The following GPR157 variants were observed in gnomAD, a reference collection of about 807,000 sequenced individuals.
The protein encoded by GPR157 is G-protein coupled receptor 157.
GPR157 carries 16 observed loss-of-function variants against 23.5 expected under a neutral mutation model. The observed-to-expected ratio is 0.68, with a 90% confidence interval of 0.46 to 1.04. GPR157 has a LOEUF of 1.04. Ranked by LOEUF, GPR157 falls within the 50% of genes least tolerant of loss-of-function variation. GPR157 has a pLI of 0.00. For missense variants in GPR157, 440 were observed against 460.7 expected, an observed-to-expected ratio of 0.96 and a Z score of 0.41; for synonymous variants, 200 against 221.5, an observed-to-expected ratio of 0.90 and a Z score of 0.86.
chr1:9,112,772 C>T (rs768658599), intron 1 of GPR157, among the ~76,000 whole-genome samples: 3 of 152,140 alleles, frequency 2.0e-5, no homozygotes, highest in Non-Finnish European at 2.9e-5. Context: ...TTTTCTAGAG[C>T]GCTCTCCCAC....
In GPR157 at chr1:9,128,700, G is replaced by C; in HGVS notation, c.328C>G (p.Arg110Gly). Residue 110 changes from arginine (R) to glycine (G), a missense_variant, in exon 1 of 4, where the codon CGC (arginine) becomes GGC (glycine). By Grantham distance (125) the Arg-to-Gly change is moderately radical. Transcript: ENST00000377411. This position sits in a 1 kb window ranked among gnomAD's most constrained non-coding sequence, Gnocchi z 6.3. ...TCTGTGCGAGGCCCGCGCGCGGCGC[G>C]GACGATGCTGAGGTACAAGTAGAGC... ...IALYLYLSIVRAARGPRTDRL... is the reference protein window; with the variant it reads ...IALYLYLSIVGAARGPRTDRL... 6.2e-7 allele frequency: 1 copy of C among 1,613,262 alleles called. No homozygotes were observed. The highest frequency in any genetic ancestry group is 8.5e-7 in the Non-Finnish European group (1 of 1,179,930).
At position 9,101,661 on chromosome 1, in the gene GPR157, CA is replaced by C. The variant is rs1451877516; in HGVS notation, c.*2757del. 1 of 152,172 alleles carries C rather than the reference CA, an allele frequency of 6.6e-6. No homozygotes were observed. The highest frequency in any genetic ancestry group is 1.5e-5 in the Non-Finnish European group (1 of 68,046). The allele number at this position is 152,172 out of a possible 1,614,324, so 9.4% of individuals were successfully genotyped here. On this transcript the variant is annotated 3_prime_UTR_variant, in exon 4 of 4. Coordinates refer to ENST00000377411, the MANE Select transcript of GPR157 (RefSeq NM_024980.5). Reference sequence around the variant, plus strand: ...CAAAAGCAGATACAGTGGCCAGTGGCATCAAAGAAATGGAATGAGAACTTGA... The same window carrying C: ...CAAAAGCAGATACAGTGGCCAGTGGCTCAAAGAAATGGAATGAGAACTTGA...
Position 9,102,343 on chromosome 1 carries a change from G to C in GPR157, c.*2076C>G, listed in dbSNP as rs554661148. 1 of 150,268 alleles carries C rather than the reference G, an allele frequency of 6.7e-6. No homozygotes were observed. Among genetic ancestry groups the C allele is most frequent in the Admixed American group, 6.6e-5 (1 of 15,038 alleles). 9.3% of individuals were successfully genotyped at this position (150,268 alleles called of 1,614,324 possible). On this transcript the variant is annotated 3_prime_UTR_variant, in exon 4 of 4. Transcript: ENST00000377411. ...GGAGAATCGCTTGAACCTGGGAGGCGGTGGTTGCAGTGAGTCAAAATTGCA... is the reference window on the plus strand; with the variant it reads ...GGAGAATCGCTTGAACCTGGGAGGCCGTGGTTGCAGTGAGTCAAAATTGCA...
At chr1:9,111,084 T>A in intron 2 of GPR157, 192 bp downstream of exon 2, 1 of 645,058 alleles carries the variant, frequency 1.6e-6, no homozygotes, top group Non-Finnish European at 2.8e-6. Flanking sequence ...TGGGAACCAA[T>A]GCACGATCCG....
In GPR157 at chr1:9,124,244, T is replaced by C. The variant is rs549074409; in HGVS notation, c.383+4401A>G. 1.2e-4 allele frequency among the ~76,000 whole-genome samples: 19 copies of C among 152,324 alleles called. 1 individual carries two copies. The East Asian group carries it at 3.7e-3, about 29-fold the overall frequency. ...CTGGGTCAGAAGTAGATTCTAACTC[T>C]GAGCCTCTCCTTTACTGAAGGGAGA... On this transcript the variant is annotated intron_variant, in intron 1 of 3. Coordinates refer to ENST00000377411, the MANE Select transcript of GPR157 (RefSeq NM_024980.5).
Position 9,128,750 on chromosome 1 carries a change from G to A in GPR157, c.278C>T (p.Ser93Phe), listed in dbSNP as rs1639022967. The A allele has an allele frequency of 1.9e-6, 3 of 1,613,148 alleles. No individual in the cohort carries two copies. Among genetic ancestry groups the A allele is most frequent in the Non-Finnish European group, 2.5e-6 (3 of 1,179,756 alleles). Reference protein sequence around the residue: ...GALSTFANTSSFFWTVAIALY... With the variant: ...GALSTFANTSFFFWTVAIALY... Reference sequence around the variant, plus strand: ...CGCAATGGCCACGGTCCAGAAGAAGGAGCTGGTGTTGGCGAAGGTGGACAG... The same window carrying A: ...CGCAATGGCCACGGTCCAGAAGAAGAAGCTGGTGTTGGCGAAGGTGGACAG... Residue 93 changes from serine to phenylalanine, a missense_variant, in exon 1 of 4, where the codon TCC becomes TTC. Ser to Phe is a radical substitution (Grantham distance 155). Transcript: ENST00000377411. The surrounding 1 kb of genome is among the most constrained non-coding windows in gnomAD (Gnocchi z 6.3).
intron 1 of GPR157, among the ~76,000 whole-genome samples, chr1:9,114,147 G>A (rs534863373): frequency 6.6e-6 from 1 of 151,876 alleles, no homozygotes; most frequent in East Asian, 1.9e-4. Context: ...TGGCCAACAT[G>A]GTGAAACTCC....
rs1569965772 is a variant in GPR157, at chr1:9,116,732, A to G, written c.384-5243T>C. ...GCACTCCAGCCTGGGTGACAGAGGA[A>G]AAAAAAAAAAAAAGCATTATTATTT... On this transcript the variant is annotated intron_variant, in intron 1 of 3. Transcript: ENST00000377411. Among the ~76,000 whole-genome samples the G allele has an allele frequency of 6.8e-5, 8 of 117,174 alleles. No individual in the cohort carries two copies. The South Asian group carries it at 1.8e-3, about 27-fold the overall frequency. 76.9% of individuals were successfully genotyped at this position (117,174 alleles called of 152,430 possible).
chr1:9,128,951 G>T lies in GPR157; in HGVS notation c.77C>A (p.Ala26Glu). ...AVVLLSCALS[A>E]LGSGLLVATH... Reference sequence around the variant, plus strand: ...GGCCACCAGCAGGCCCGAGCCGAGCGCGGAGAGTGCGCACGACAGCAGCAC... The same window carrying T: ...GGCCACCAGCAGGCCCGAGCCGAGCTCGGAGAGTGCGCACGACAGCAGCAC... Residue 26 changes from alanine to glutamate, a missense_variant, in exon 1 of 4, where the codon GCG becomes GAG. By Grantham distance (107) the Ala-to-Glu change is moderately radical. Coordinates refer to ENST00000377411, the MANE Select transcript of GPR157 (RefSeq NM_024980.5). The surrounding 1 kb of genome is among the most constrained non-coding windows in gnomAD (Gnocchi z 6.3). 2.0e-6 allele frequency: 3 copies of T among 1,501,048 alleles called. No homozygotes were observed. The highest frequency in any genetic ancestry group is 2.7e-6 in the Non-Finnish European group (3 of 1,127,286). The allele number at this position is 1,501,048 out of a possible 1,614,324, so 93.0% of individuals were successfully genotyped here. A position where few individuals can be genotyped will look rare whatever the true frequency, so the allele number is the denominator to read the frequency against.
chr1:9,104,613 C>A lies in GPR157; in HGVS notation c.814G>T (p.Gly272Ter). ...VLHGIGNTFQGGANCIMFVLC... is the reference protein window; with the variant it reads ...VLHGIGNTFQ ...ACGAACATGATGCAGTTGGCACCTC[C>A]CTGAAACGTGTTCCCGATACCCTGT... The change falls in exon 4 of 4, where the codon GGA becomes TGA. Residue 272 changes from glycine to a stop codon, truncating the protein, a stop_gained. Coordinates refer to ENST00000377411, the MANE Select transcript of GPR157 (RefSeq NM_024980.5). LOFTEE classifies it low-confidence loss of function (END_TRUNC). The A allele has an allele frequency of 6.2e-7, 1 of 1,608,726 alleles. No individual in the cohort carries two copies. The highest frequency in any genetic ancestry group is 8.5e-7 in the Non-Finnish European group (1 of 1,177,028).
intron 2 of GPR157, among the ~76,000 whole-genome samples, chr1:9,110,309 G>A (rs1638452173): frequency 6.6e-6 from 1 of 152,156 alleles, no homozygotes; most frequent in Admixed American, 6.5e-5. Context: ...GATCACTTGA[G>A]GTCAAGAGTT....
intron 2 of GPR157, among the ~76,000 whole-genome samples, chr1:9,110,093 A>G: frequency 6.6e-6 from 1 of 151,866 alleles, no homozygotes; most frequent in East Asian, 1.9e-4. Context: ...TGCCCCAGCC[A>G]CTCCTCACAT....
intron 2 of GPR157, among the ~76,000 whole-genome samples, chr1:9,106,696 G>C (rs1322910973): frequency 1.3e-5 from 2 of 152,232 alleles, no homozygotes; most frequent in East Asian, 3.8e-4. Context: ...GGGTGCAAAG[G>C]CTCATGCCTG....
At chr1:9,121,161 C>T (rs1055083871) in intron 1 of GPR157, among the ~76,000 whole-genome samples, 1 of 151,858 alleles carries the variant, frequency 6.6e-6, no homozygotes, top group Non-Finnish European at 1.5e-5. Flanking sequence ...GGTAAAATCC[C>T]GTCTTTACTA....
Position 9,104,360 on chromosome 1 carries a change from C to A in GPR157, c.*59G>T. The stretch of plus-strand genomic sequence containing the variant: ...CTTCTGCCCCTGCAGCAGGGACTCA[C>A]AGAAGTGCCTACCCCCAGGAAGGCA... On this transcript the variant is annotated 3_prime_UTR_variant, in exon 4 of 4. Coordinates refer to ENST00000377411, the MANE Select transcript of GPR157 (RefSeq NM_024980.5). The A allele has an allele frequency of 1.5e-6, 2 of 1,320,002 alleles. No individual in the cohort carries two copies. Among genetic ancestry groups the A allele is most frequent in the Non-Finnish European group, 2.2e-6 (2 of 923,674 alleles). 81.8% of individuals were successfully genotyped at this position (1,320,002 alleles called of 1,614,324 possible). A position where few individuals can be genotyped will look rare whatever the true frequency, so the allele number is the denominator to read the frequency against.
rs749117501 is a variant in GPR157, at chr1:9,104,460, G to C, written c.967C>G (p.Gln323Glu). The C allele has an allele frequency of 1.9e-6, 3 of 1,613,944 alleles. No individual in the cohort carries two copies. In the Admixed American group the frequency reaches 5.0e-5, roughly 27 times the overall value. ...APAPSKPGES[Q>E]ESQGTPGELP... ...TCCCCTGGGGTCCCTTGGGATTCCTGAGATTCTCCTGGCTTGGAAGGCGCG... is the reference window on the plus strand; with the variant it reads ...TCCCCTGGGGTCCCTTGGGATTCCTCAGATTCTCCTGGCTTGGAAGGCGCG... The change falls in exon 4 of 4, where the codon CAG (glutamine) becomes GAG (glutamate). Residue 323 changes from glutamine to glutamate, a missense_variant. Transcript: ENST00000377411.
intron 1 of GPR157, among the ~76,000 whole-genome samples, chr1:9,125,264 G>A (rs1187422396): frequency 6.6e-6 from 1 of 151,648 alleles, no homozygotes. Context: ...CACTCCGGCT[G>A]GAATGCAGTG....
intron 1 of GPR157, among the ~76,000 whole-genome samples, chr1:9,111,863 G>A (rs916192402): frequency 3.3e-5 from 5 of 152,162 alleles, no homozygotes. Context: ...TCAGCTACTT[G>A]GGAGGCTGAG....
rs1639003132 is a variant in GPR157 at position 9,128,087 on chromosome 1, AGGGGCT to A, written c.383+552_383+557del. ...CAAGATCATCTAGAACAGAAATACA[AGGGGCT>A]GGGGCCTGAGGCTAGAAACGACCAA... On this transcript the variant is annotated intron_variant, in intron 1 of 3. Transcript: ENST00000377411. This position sits in a 1 kb window ranked among gnomAD's most constrained non-coding sequence, Gnocchi z 6.3. Among the ~76,000 whole-genome samples, 1 of 152,180 alleles carries A rather than the reference AGGGGCT, an allele frequency of 6.6e-6. No individual in the cohort carries two copies. Among genetic ancestry groups the A allele is most frequent in the Non-Finnish European group, 1.5e-5 (1 of 68,024 alleles).
Sources: allele counts gnomAD v4.1 joint callset (sites outside exome capture counted in the v4.1 genomes callset), GRCh38; gene constraint gnomAD v4.1.1; non-coding constraint Gnocchi (gnomAD v3.1); transcripts MANE v1.5; gene names NCBI Gene and HGNC (gene_info 2026-07-23, HGNC 2026-07-21).